CSMD1: variants seen among roughly 807,000 people sequenced by gnomAD.
CSMD1 encodes the protein CUB and Sushi multiple domains 1, also known as CUB and sushi domain-containing protein 1.
Under a neutral mutation model 417.5 loss-of-function variants are expected in CSMD1, and 213 were observed. The ratio of observed to expected loss-of-function variants is 0.51; its 90% CI spans 0.46 to 0.57. The LOEUF is 0.57. Among genes scored for constraint, CSMD1 ranks in the 20% least tolerant of loss-of-function variants. The pLI is 0.00. For missense variants in CSMD1, 6,923 were observed against 4,529.7 expected (o/e 1.53, Z -15.17); for synonymous variants, 2,862 against 1,736.8 (o/e 1.65, Z -16.11).
chr8:4,667,592 C>T (rs1035211365), intron 1 of CSMD1, among the ~76,000 whole-genome samples: 1 of 151,650 alleles, frequency 6.6e-6, no homozygotes, highest in African/African-American at 2.4e-5. Context: ...CTTGGATTGT[C>T]CCTGAGTACT....
chr8:4,637,040 AG>A (rs1802860256), intron 2 of CSMD1, among the ~76,000 whole-genome samples: 1 of 152,152 alleles, frequency 6.6e-6, no homozygotes, highest in Admixed American at 6.5e-5. Context: ...GGAACATGGG[AG>A]GGGACAAATA....
chr8:4,732,781 C>G (rs1021672867), intron 1 of CSMD1, among the ~76,000 whole-genome samples: 1 of 152,150 alleles, frequency 6.6e-6, no homozygotes, highest in African/African-American at 2.4e-5. Context: ...TAATTGTGCC[C>G]AAATCCTCCA....
At chr8:4,160,078 T>C (rs1172162799) in intron 3 of CSMD1, among the ~76,000 whole-genome samples, 1 of 138,320 alleles carries the variant, frequency 7.2e-6, no homozygotes, top group Non-Finnish European at 1.5e-5. Flanking sequence ...TCCAAAAGTA[T>C]GGAATTTAAA....
At chr8:3,101,778 T>C (rs1263913471) in intron 46 of CSMD1, among the ~76,000 whole-genome samples, 1 of 148,970 alleles carries the variant, frequency 6.7e-6, no homozygotes, top group Non-Finnish European at 1.5e-5. Flanking sequence ...AAATTGGTGA[T>C]AATTTTGTTT....
intron 12 of CSMD1, among the ~76,000 whole-genome samples, chr8:3,457,501 C>G (rs1423054538): frequency 1.3e-5 from 2 of 152,166 alleles, no homozygotes; most frequent in Non-Finnish European, 2.9e-5. Context: ...CGCATTGGAG[C>G]TGAGTCATCA....
chr8:4,458,715 T>G (rs937611122), intron 2 of CSMD1, among the ~76,000 whole-genome samples: 1 of 152,208 alleles, frequency 6.6e-6, no homozygotes, highest in Non-Finnish European at 1.5e-5. Context: ...TATTTCTTTA[T>G]TAGTGGGAAA....
intron 10 of CSMD1, among the ~76,000 whole-genome samples, chr8:3,538,506 A>T (rs1215054595): frequency 6.6e-6 from 1 of 152,096 alleles, no homozygotes; most frequent in East Asian, 1.9e-4. Flanking sequence ...GCGATGCCTC[A>T]CCTGAGATGC....
intron 26 of CSMD1, among the ~76,000 whole-genome samples, chr8:3,238,981 G>C (rs550899810): frequency 3.9e-5 from 6 of 152,068 alleles, no homozygotes; most frequent in Admixed American, 6.5e-5. Flanking sequence ...AAGTTTTTTG[G>C]GGCACAGTCA....
intron 10 of CSMD1, among the ~76,000 whole-genome samples, chr8:3,516,145 A>G (rs1004239419): frequency 6.6e-6 from 1 of 152,192 alleles, no homozygotes; most frequent in African/African-American, 2.4e-5. Context: ...AAATCTATGC[A>G]TTTTGATTTC....
chr8:3,393,001 C>A (rs547438717), intron 17 of CSMD1, among the ~76,000 whole-genome samples: 1 of 152,222 alleles, frequency 6.6e-6, no homozygotes, highest in South Asian at 2.1e-4. Flanking sequence ...TTACAACAAG[C>A]AAACAAAAAG....
At chr8:4,185,933 A>G (rs1454211857) in intron 3 of CSMD1, among the ~76,000 whole-genome samples, 1 of 152,150 alleles carries the variant, frequency 6.6e-6, no homozygotes, top group Non-Finnish European at 1.5e-5. Context: ...ATTTCCCTGC[A>G]ATACTTTCAG....
rs1347594424 is a variant in CSMD1 at position 4,499,965 on chromosome 8, G to C, written c.303-79900C>G. ...GGTAGTATGCATGGAAAGAAAAAAA[G>C]CAGATATCTATGAACTAAATCCCAG... On this transcript the variant is annotated intron_variant, in intron 2 of 69. Transcript: ENST00000635120. Among the ~76,000 whole-genome samples, 4 of 152,288 alleles carry C rather than the reference G, an allele frequency of 2.6e-5. No individual in the cohort carries two copies. In the East Asian group the frequency reaches 7.7e-4, roughly 29 times the overall value.
At chr8:4,279,863 T>A (rs139662844) in intron 3 of CSMD1, among the ~76,000 whole-genome samples, 2 of 152,294 alleles carry the variant, frequency 1.3e-5, no homozygotes, top group African/African-American at 4.8e-5. Flanking sequence ...TCAGTAAAAA[T>A]GAATCTGAAG....
intron 10 of CSMD1, among the ~76,000 whole-genome samples, chr8:3,540,768 C>A (rs1013095993): frequency 1.3e-5 from 2 of 152,042 alleles, no homozygotes; most frequent in Admixed American, 6.6e-5. Flanking sequence ...ATGCAGTCAA[C>A]AAACATGAAA....
At chr8:3,982,722 C>T (rs758996494) in intron 5 of CSMD1, among the ~76,000 whole-genome samples, 13 of 151,992 alleles carry the variant, frequency 8.6e-5, no homozygotes, top group Non-Finnish European at 1.2e-4. Context: ...GGGAAGCACC[C>T]GGCATCTGTA....
chr8:4,072,650 G>A (rs1014311669), intron 3 of CSMD1, among the ~76,000 whole-genome samples: 2 of 152,156 alleles, frequency 1.3e-5, no homozygotes, highest in East Asian at 1.9e-4. Flanking sequence ...CATGATTAAG[G>A]AAGGCTTCCC....
Position 3,192,252 on chromosome 8 carries a change from T to C in CSMD1, c.5195-2137A>G, listed in dbSNP as rs545974213. Among the ~76,000 whole-genome samples, 22 of 152,312 alleles carry C rather than the reference T, an allele frequency of 1.4e-4. No individual in the cohort carries two copies. The South Asian group carries it at 4.6e-3, about 32-fold the overall frequency. On this transcript the variant is annotated intron_variant, in intron 33 of 69. Coordinates refer to ENST00000635120, the MANE Select transcript of CSMD1 (RefSeq NM_033225.6). ...TCCAAGCTAAAAATGAAATACAGAATAACGATAATATTCTATTATAGGTCA... is the reference window on the plus strand; with the variant it reads ...TCCAAGCTAAAAATGAAATACAGAACAACGATAATATTCTATTATAGGTCA...
At chr8:3,534,191 A>C (rs1023745469) in intron 10 of CSMD1, among the ~76,000 whole-genome samples, 5 of 152,116 alleles carry the variant, frequency 3.3e-5, no homozygotes, top group African/African-American at 9.7e-5. Context: ...TTCATCACTT[A>C]CTCACTCCTG....
intron 3 of CSMD1, among the ~76,000 whole-genome samples, chr8:4,411,651 A>C (rs542043630): frequency 6.6e-6 from 1 of 152,032 alleles, no homozygotes; most frequent in Non-Finnish European, 1.5e-5. Flanking sequence ...CTCAAACCTA[A>C]TTTATTTTCA....
Sources: gnomAD v4.1 joint callset for allele counts (sites outside exome capture counted in the v4.1 genomes callset) on GRCh38, gnomAD v4.1.1 for gene constraint, MANE v1.5 for transcripts, NCBI Gene and HGNC (gene_info 2026-07-23, HGNC 2026-07-21) for gene names.